GRIN2B: variants seen among roughly 807,000 people sequenced by gnomAD.
The protein encoded by GRIN2B is glutamate ionotropic receptor NMDA type subunit 2B, also known as glutamate receptor ionotropic, NMDA 2B.
In GRIN2B, 5 loss-of-function variants were observed where a neutral mutation model predicts 114.5. That is an observed-to-expected ratio of 0.04 (90% confidence interval 0.02 to 0.09). The LOEUF (loss-of-function observed/expected upper bound fraction) is 0.09. Ranked by LOEUF, GRIN2B falls within the 10% of genes least tolerant of loss-of-function variation. The pLI is 1.00. For missense variants in GRIN2B, 1,108 were observed against 1,943.5 expected (o/e 0.57, Z 8.08); for synonymous variants, 787 against 745.1 (o/e 1.06, Z -0.92).
At chr12:13,655,640 G>A (rs1306173404) in intron 5 of GRIN2B, among the ~76,000 whole-genome samples, 2 of 152,136 alleles carry the variant, frequency 1.3e-5, no homozygotes, top group African/African-American at 2.4e-5. Flanking sequence ...CCTTCAGAAA[G>A]TCACTAAACC....
intron 4 of GRIN2B, among the ~76,000 whole-genome samples, chr12:13,725,875 G>T (rs1446273663): frequency 1.3e-5 from 2 of 152,034 alleles, no homozygotes; most frequent in Non-Finnish European, 2.9e-5. Context: ...AGCGCATGGG[G>T]TTAACTGCAA....
At chr12:13,793,493 A>C (rs1391225250) in intron 3 of GRIN2B, among the ~76,000 whole-genome samples, 1 of 152,062 alleles carries the variant, frequency 6.6e-6, no homozygotes, top group Non-Finnish European at 1.5e-5. Flanking sequence ...CTTATCCTCT[A>C]ACCAAAGATG....
At chr12:13,740,090 T>A (rs974570788) in intron 4 of GRIN2B, among the ~76,000 whole-genome samples, 2 of 152,214 alleles carry the variant, frequency 1.3e-5, no homozygotes, top group Non-Finnish European at 2.9e-5. Context: ...TCCTTTCTCC[T>A]GAACTCCACT....
At position 13,564,784 on chromosome 12, in the gene GRIN2B, C is replaced by G. The variant is rs1591607574; in HGVS notation, c.2599-145G>C. The G allele has an allele frequency of 2.4e-6, 2 of 826,422 alleles. No individual in the cohort carries two copies. The highest frequency in any genetic ancestry group is 5.2e-5 in the East Asian group (2 of 38,672). 51.2% of individuals were successfully genotyped at this position (826,422 alleles called of 1,614,324 possible). ...TAGTCTAATATACTATTAGATGTGG[C>G]TAGAAGTTTGCCTAATTTATACCCC... On this transcript the variant is annotated intron_variant, in intron 13 of 13. Transcript: ENST00000609686. This position sits in a 1 kb window ranked among gnomAD's most constrained non-coding sequence, Gnocchi z 4.8.
chr12:13,822,080 C>A (rs1289066502), intron 3 of GRIN2B, among the ~76,000 whole-genome samples: 2 of 152,130 alleles, frequency 1.3e-5, no homozygotes, highest in Non-Finnish European at 2.9e-5. Context: ...ATTCTGCCTT[C>A]TGAACTATAA....
intron 2 of GRIN2B, among the ~76,000 whole-genome samples, chr12:13,870,624 TAATC>T (rs1865889678): frequency 6.6e-6 from 1 of 152,112 alleles, no homozygotes; most frequent in Admixed American, 6.5e-5. Context: ...AAATGTGACT[TAATC>T]AATAATTAAG....
intron 2 of GRIN2B, among the ~76,000 whole-genome samples, chr12:13,878,530 T>A (rs1158172525): frequency 6.6e-6 from 1 of 152,210 alleles, no homozygotes; most frequent in African/African-American, 2.4e-5. Flanking sequence ...TTAAACAAAT[T>A]GAGTGCGGCT....
At chr12:13,980,503 G>A (rs541555671) in intron 1 of GRIN2B, 147 bp from the exon 2 acceptor site, 1 of 152,210 alleles carries the variant, frequency 6.6e-6, no homozygotes, top group African/African-American at 2.4e-5. Flanking sequence ...GAGAGGAATT[G>A]AAAACAGCTG....
intron 2 of GRIN2B, among the ~76,000 whole-genome samples, chr12:13,970,686 AACACACACACACACACAC>A (rs5796570): frequency 4.8e-5 from 7 of 145,134 alleles, no homozygotes; most frequent in South Asian, 2.3e-4. Flanking sequence ...GCAGGCTCTA[AACACACACACACACACAC>A]ACACACACAC....
rs138906736 is a variant in GRIN2B, at chr12:13,557,896, T to G, written c.*4887A>C. 2.0e-5 allele frequency: 3 copies of G among 152,328 alleles called. No homozygotes were observed. Among genetic ancestry groups the G allele is most frequent in the Non-Finnish European group, 4.4e-5 (3 of 68,028 alleles). The allele number at this position is 152,328 out of a possible 1,614,324, so 9.4% of individuals were successfully genotyped here. A position where few individuals can be genotyped will look rare whatever the true frequency, so the allele number is the denominator to read the frequency against. ...CTTAATATGTCACCTTTCCTGGGATTACTTTCATTCGAATGACAGACAGCT... is the reference window on the plus strand; with the variant it reads ...CTTAATATGTCACCTTTCCTGGGATGACTTTCATTCGAATGACAGACAGCT... On this transcript the variant is annotated 3_prime_UTR_variant, in exon 14 of 14. Coordinates refer to ENST00000609686, the MANE Select transcript of GRIN2B (RefSeq NM_000834.5).
intron 2 of GRIN2B, among the ~76,000 whole-genome samples, chr12:13,875,272 T>C (rs1591597593): frequency 6.6e-6 from 1 of 152,212 alleles, no homozygotes; most frequent in Non-Finnish European, 1.5e-5. Flanking sequence ...ACGCCTTTAG[T>C]AATCCCAGCA....
chr12:13,902,874 A>G (rs1866475987), intron 2 of GRIN2B, among the ~76,000 whole-genome samples: 2 of 152,184 alleles, frequency 1.3e-5, no homozygotes, highest in African/African-American at 2.4e-5. Context: ...CAATGAAGCT[A>G]ACTAAGCCTG....
At chr12:13,888,739 A>C (rs1866208312) in intron 2 of GRIN2B, among the ~76,000 whole-genome samples, 1 of 151,908 alleles carries the variant, frequency 6.6e-6, no homozygotes, top group African/African-American at 2.4e-5. Context: ...ATCTCAAAAA[A>C]AAAAAGAAAT....
Position 13,543,730 on chromosome 12 carries a change from C to T in GRIN2B, c.*19053G>A, listed in dbSNP as rs1430649522. ...ATTCATGCTTTCTTCCTTCCAAAACCTCCAATACTCTTCCCCTATACTCAC... is the reference window on the plus strand; with the variant it reads ...ATTCATGCTTTCTTCCTTCCAAAACTTCCAATACTCTTCCCCTATACTCAC... On this transcript the variant is annotated 3_prime_UTR_variant, in exon 14 of 14. Coordinates refer to ENST00000609686, the MANE Select transcript of GRIN2B (RefSeq NM_000834.5). 2 of 152,106 alleles carry T rather than the reference C, an allele frequency of 1.3e-5. No homozygotes were observed. The highest frequency in any genetic ancestry group is 4.8e-5 in the African/African-American group (2 of 41,382). The allele number at this position is 152,106 out of a possible 1,614,324, so 9.4% of individuals were successfully genotyped here.
At chr12:13,602,170 A>G (rs1453444698) in intron 10 of GRIN2B, among the ~76,000 whole-genome samples, 5 of 152,198 alleles carry the variant, frequency 3.3e-5, no homozygotes, top group African/African-American at 1.2e-4. Flanking sequence ...TGTACCTCAG[A>G]CACTCCCAGG....
Position 13,547,981 on chromosome 12 carries a change from A to ATATATATATATTTTTTTTTTTTTTTTT in GRIN2B, c.*14801_*14802insAAAAAAAAAAAAAAAAATATATATATA. The ATATATATATATTTTTTTTTTTTTTTTT allele has an allele frequency of 5.3e-4, 36 of 68,562 alleles. No individual in the cohort carries two copies. Among genetic ancestry groups the ATATATATATATTTTTTTTTTTTTTTTT allele is most frequent in the East Asian group, 2.9e-3 (5 of 1,742 alleles). 4.2% of individuals were successfully genotyped at this position (68,562 alleles called of 1,614,324 possible). A position where few individuals can be genotyped will look rare whatever the true frequency, so the allele number is the denominator to read the frequency against. On this transcript the variant is annotated 3_prime_UTR_variant, in exon 14 of 14. Coordinates refer to ENST00000609686, the MANE Select transcript of GRIN2B (RefSeq NM_000834.5). ...TGTGTATATATATATATATATATAT[A>ATATATATATATTTTTTTTTTTTTTTTT]TTTTTTTTTTTTTTCTGAAAGCTAC...
intron 3 of GRIN2B, among the ~76,000 whole-genome samples, chr12:13,803,369 A>G (rs12313441): frequency 0.084 from 12,798 of 152,182 alleles, 731 homozygotes; most frequent in Middle Eastern, 0.13. Flanking sequence ...TGCCTGTCAC[A>G]TGCCAGGTAC....
intron 2 of GRIN2B, among the ~76,000 whole-genome samples, chr12:13,872,406 A>C (rs1865925344): frequency 6.6e-6 from 1 of 151,362 alleles, no homozygotes; most frequent in Admixed American, 6.6e-5. Context: ...CAGTGAGCTG[A>C]GATCATGCCA....
At chr12:13,790,030 C>G (rs1021803640) in intron 3 of GRIN2B, among the ~76,000 whole-genome samples, 4 of 152,226 alleles carry the variant, frequency 2.6e-5, no homozygotes, top group Non-Finnish European at 5.9e-5. Flanking sequence ...GAGGTATGAG[C>G]TGAGAAATCC....
Sources: gnomAD v4.1 joint callset for allele counts (sites outside exome capture counted in the v4.1 genomes callset) on GRCh38, gnomAD v4.1.1 for gene constraint, Gnocchi (gnomAD v3.1) non-coding constraint, MANE v1.5 for transcripts, NCBI Gene and HGNC (gene_info 2026-07-23, HGNC 2026-07-21) for gene names.